Variants in P2RX1 observed in about 807,000 individuals in gnomAD.
P2RX1 encodes P2X purinoceptor 1.
A neutral mutation model predicts 50.3 loss-of-function variants in P2RX1; 42 were observed. The observed-to-expected ratio is 0.83, with a 90% CI of 0.65 to 1.08. P2RX1 has a LOEUF of 1.08. Among genes scored for constraint, P2RX1 ranks in the 50% least tolerant of loss-of-function variants. The pLI, the probability that P2RX1 is intolerant of heterozygous loss-of-function variation, is 0.00. For missense variants in P2RX1, 449 were observed against 529.0 expected, an observed-to-expected ratio of 0.85 and a Z score of 1.48; for synonymous variants, 199 against 202.6, an observed-to-expected ratio of 0.98 and a Z score of 0.15.
chr17:3,904,011 G>T lies in P2RX1; in HGVS notation c.441C>A (p.Gly147=). Residue 147 remains glycine (G), a synonymous_variant, in exon 5 of 12, where the codon GGC becomes GGA. Coordinates refer to ENST00000225538, the MANE Select transcript of P2RX1 (RefSeq NM_002558.4). ...CAGTGTCGTTGAAGGCCACACACTT[G>T]CCCGTGCGGATGCCTGGAGCCAGAG... ...AKRKAQGIRT[G]KCVAFNDTVK... 1 of 1,614,032 alleles carries T rather than the reference G, an allele frequency of 6.2e-7. No homozygotes were observed. The highest frequency in any genetic ancestry group is 1.6e-4 in the Middle Eastern group (1 of 6,062).
chr17:3,899,665 C>G lies in P2RX1; in HGVS notation c.844G>C (p.Glu282Gln). Residue 282 changes from glutamate to glutamine, a missense_variant, in exon 8 of 12, where the codon GAG becomes CAG. Coordinates refer to ENST00000225538, the MANE Select transcript of P2RX1 (RefSeq NM_002558.4). ...TTGAAGCCTGGGGAGAGATTTTTCT[C>G]TTCGTACAGCCCATGGAACTCATAG... ...PIYEFHGLYEEKNLSPGFNFR... is the reference protein window; with the variant it reads ...PIYEFHGLYEQKNLSPGFNFR... 4 of 1,613,874 alleles carry G rather than the reference C, an allele frequency of 2.5e-6. No individual in the cohort carries two copies. The highest frequency in any genetic ancestry group is 3.4e-6 in the Non-Finnish European group (4 of 1,179,852).
chr17:3,900,318 G>A lies in P2RX1; in HGVS notation c.748-557C>T, dbSNP rs572171698. On this transcript the variant is annotated intron_variant, in intron 7 of 11. Coordinates refer to ENST00000225538, the MANE Select transcript of P2RX1 (RefSeq NM_002558.4). The stretch of plus-strand genomic sequence containing the variant: ...AAAATACAAAAATTAGCTGGGCATG[G>A]TGGCGGGTGCCTGTAATCCCAGCTG... Among the ~76,000 whole-genome samples the A allele has an allele frequency of 7.9e-5, 12 of 151,978 alleles. No individual in the cohort carries two copies. In the East Asian group the frequency reaches 2.3e-3, roughly 30 times the overall value.
chr17:3,909,380 A>G (rs1051350435), intron 1 of P2RX1, among the ~76,000 whole-genome samples: 2 of 152,146 alleles, frequency 1.3e-5, no homozygotes, highest in Non-Finnish European at 2.9e-5. Flanking sequence ...CAGTGGGCAC[A>G]TATAATGAAA....
At chr17:3,915,513 C>T (rs1438160566) in intron 1 of P2RX1, 9 of 456,638 alleles carry the variant, frequency 2.0e-5, no homozygotes, top group South Asian at 1.1e-4. Context: ...CAGAAAGGAA[C>T]TATCATCCCT....
At chr17:3,909,372 G>A (rs933015730) in intron 1 of P2RX1, among the ~76,000 whole-genome samples, 47 of 152,120 alleles carry the variant, frequency 3.1e-4, no homozygotes, top group Admixed American at 3.3e-4. Context: ...CTGGCACTCA[G>A]TGGGCACATA....
rs189001162 is a variant in P2RX1 at position 3,897,888 on chromosome 17, G to A, written c.1135-9C>T. The A allele has an allele frequency of 3.6e-3, 5,850 of 1,613,952 alleles. 35 individuals are homozygous for A. Among genetic ancestry groups the A allele is most frequent in the Non-Finnish European group, 4.2e-3 (4,901 of 1,179,954 alleles). On this transcript the variant is annotated splice_polypyrimidine_tract_variant and intron_variant, in intron 11 of 11. Transcript: ENST00000225538. ...GCGAGGTCACGCTCAGCCTGTGTAC[G>A]TGGTGCAAGGGTTGGGGGATACAAG...
intron 7 of P2RX1, among the ~76,000 whole-genome samples, chr17:3,899,970 G>A (rs561510570): frequency 3.9e-5 from 6 of 152,176 alleles, no homozygotes; most frequent in South Asian, 4.1e-4. Context: ...GTGTGGTGGC[G>A]CACGCCTGTA....
chr17:3,899,649 G>C lies in P2RX1; in HGVS notation c.860C>G (p.Pro287Arg). 6.2e-7 allele frequency: 1 copy of C among 1,613,522 alleles called. No homozygotes were observed. Among genetic ancestry groups the C allele is most frequent in the Non-Finnish European group, 8.5e-7 (1 of 1,179,630 alleles). ...TGGCAGACACCTGAAGTTGAAGCCTGGGGAGAGATTTTTCTCTTCGTACAG... is the reference window on the plus strand; with the variant it reads ...TGGCAGACACCTGAAGTTGAAGCCTCGGGAGAGATTTTTCTCTTCGTACAG... Reference protein sequence around the residue: ...HGLYEEKNLSPGFNFRFARHF... With the variant: ...HGLYEEKNLSRGFNFRFARHF... Residue 287 changes from proline (P) to arginine (R), a missense_variant, in exon 8 of 12, where the codon CCA becomes CGA. By Grantham distance (103) the Pro-to-Arg change is moderately radical. Coordinates refer to ENST00000225538, the MANE Select transcript of P2RX1 (RefSeq NM_002558.4).
chr17:3,899,733 C>T lies in P2RX1; in HGVS notation c.776G>A (p.Trp259Ter), dbSNP rs1047748547. The change falls in exon 8 of 12, where the codon TGG (tryptophan) becomes TAG (stop). Residue 259 changes from tryptophan to a stop codon, truncating the protein, a stop_gained. Coordinates refer to ENST00000225538, the MANE Select transcript of P2RX1 (RefSeq NM_002558.4). LOFTEE classifies it high-confidence loss of function. ...TACGTGCCAGTCCAGGTCACAGTGC[C>T]AGTCGATGGTGATGCCAACCACTCC... ...KGGVVGITID[W>*]HCDLDWHVRH... 6.2e-7 allele frequency: 1 copy of T among 1,613,902 alleles called. No homozygotes were observed. Among genetic ancestry groups the T allele is most frequent in the South Asian group, 1.1e-5 (1 of 91,074 alleles).
chr17:3,915,228 C>T, intron 1 of P2RX1: 1 of 353,440 alleles, frequency 2.8e-6, no homozygotes, highest in Non-Finnish European at 5.6e-6. Flanking sequence ...CAAGATGCAC[C>T]ACACACAGGG....
intron 7 of P2RX1, among the ~76,000 whole-genome samples, chr17:3,901,295 CT>C (rs1789875427): frequency 6.6e-6 from 1 of 152,244 alleles, no homozygotes; most frequent in Non-Finnish European, 1.5e-5. Flanking sequence ...TCTCGATCTC[CT>C]GACCTCGTGA....
In P2RX1 at chr17:3,914,470, G is replaced by A. The variant is rs1251400937; in HGVS notation, c.137+1619C>T. 6.6e-6 allele frequency among the ~76,000 whole-genome samples: 1 copy of A among 152,154 alleles called. No individual in the cohort carries two copies. The highest frequency in any genetic ancestry group is 2.4e-5 in the African/African-American group (1 of 41,422). On this transcript the variant is annotated intron_variant, in intron 1 of 11. Transcript: ENST00000225538. This position sits in a 1 kb window ranked among gnomAD's most constrained non-coding sequence, Gnocchi z 4.1. ...ACGCTGACAGCCTGTGACACACACA[G>A]AGGAGGGACCTGGTGCCCCTCACAC...
At chr17:3,915,944 A>T (rs531110570) in intron 1 of P2RX1, 145 bp downstream of exon 1, 1 of 1,004,578 alleles carries the variant, frequency 1.0e-6, no homozygotes, top group Non-Finnish European at 1.5e-6. Context: ...AGGATTTTCT[A>T]TTCTCGCACA....
chr17:3,906,474 A>G (rs1174434887), intron 1 of P2RX1, among the ~76,000 whole-genome samples: 1 of 152,232 alleles, frequency 6.6e-6, no homozygotes, highest in Non-Finnish European at 1.5e-5. Context: ...GAGTTCATAC[A>G]TGTAGAAACA....
At chr17:3,911,279 C>T (rs1161236654) in intron 1 of P2RX1, among the ~76,000 whole-genome samples, 1 of 151,582 alleles carries the variant, frequency 6.6e-6, no homozygotes, top group East Asian at 1.9e-4. Context: ...TGCACCATGG[C>T]ACCCGGTCTG....
chr17:3,898,492 A>C lies in P2RX1; in HGVS notation c.1024T>G (p.Phe342Val). The C allele has an allele frequency of 6.2e-7, 1 of 1,613,850 alleles. No individual in the cohort carries two copies. Among genetic ancestry groups the C allele is most frequent in the Non-Finnish European group, 8.5e-7 (1 of 1,179,770 alleles). Residue 342 changes from phenylalanine to valine, a missense_variant, in exon 10 of 12, where the codon TTT becomes GTT. Phe to Val is a conservative substitution (Grantham distance 50). Transcript: ENST00000225538. ...MTTIGSGIGIFGVATVLCDLL... is the reference protein window; with the variant it reads ...MTTIGSGIGIVGVATVLCDLL... The stretch of plus-strand genomic sequence containing the variant: ...GTGACCCCAGCACTTACCACCCCAA[A>C]GATGCCAATTCCAGAGCCGATGGTG...
intron 1 of P2RX1, among the ~76,000 whole-genome samples, chr17:3,907,450 A>G (rs927577687): frequency 6.6e-6 from 1 of 152,066 alleles, no homozygotes; most frequent in Non-Finnish European, 1.5e-5. Context: ...AGGGGAGCTC[A>G]AAGCAATGGA....
intron 1 of P2RX1, among the ~76,000 whole-genome samples, chr17:3,913,222 T>C (rs2056394764): frequency 6.7e-6 from 1 of 149,756 alleles, no homozygotes; most frequent in Non-Finnish European, 1.5e-5. Context: ...GCCTCCAGGG[T>C]TCAAGTGATT....
At chr17:3,905,847 C>CA (rs60059213) in intron 1 of P2RX1, among the ~76,000 whole-genome samples, 1,588 of 102,896 alleles carry the variant, frequency 0.015, 15 homozygotes, top group African/African-American at 0.035. Flanking sequence ...AATTCTGTCT[C>CA]AAAAAAAAAA....
Sources: gnomAD v4.1 joint callset for allele counts (sites outside exome capture counted in the v4.1 genomes callset) on GRCh38, gnomAD v4.1.1 for gene constraint, Gnocchi (gnomAD v3.1) non-coding constraint, MANE v1.5 for transcripts, NCBI Gene and HGNC (gene_info 2026-07-23, HGNC 2026-07-21) for gene names.